TENM3: variants seen among roughly 807,000 people sequenced by gnomAD.
TENM3 encodes the protein teneurin transmembrane protein 3.
Under a neutral mutation model 255.1 loss-of-function variants are expected in TENM3, and 63 were observed. The observed-to-expected ratio is 0.25, with a 90% confidence interval of 0.20 to 0.30. The LOEUF (loss-of-function observed/expected upper bound fraction) is 0.30. Ranked by LOEUF, TENM3 falls within the 10% of genes least tolerant of loss-of-function variation. TENM3 has a pLI of 1.00. For missense variants in TENM3, 2,929 were observed against 3,461.1 expected (o/e 0.85, Z 3.86); for synonymous variants, 1,306 against 1,322.3 (o/e 0.99, Z 0.27).
the TENM3 span, among the ~76,000 whole-genome samples, chr4:181,829,559 G>A: frequency 6.6e-6 from 1 of 152,162 alleles, no homozygotes. Context: ...CTACACAGAT[G>A]CTCATAATAT....
the TENM3 span, among the ~76,000 whole-genome samples, chr4:181,863,466 T>A: frequency 6.6e-6 from 1 of 152,170 alleles, no homozygotes; most frequent in African/African-American, 2.4e-5. Context: ...GAAAATGCAT[T>A]TCTAGTAATG....
At chr4:181,908,524 G>C in the TENM3 span, among the ~76,000 whole-genome samples, 338 of 152,172 alleles carry the variant, frequency 2.2e-3, 1 homozygote, top group African/African-American at 7.6e-3. Context: ...ATTTTCTGAT[G>C]AATGTTTTTA....
At chr4:182,725,353 A>C (rs900050638) in intron 13 of TENM3, among the ~76,000 whole-genome samples, 5 of 152,080 alleles carry the variant, frequency 3.3e-5, no homozygotes, top group African/African-American at 1.2e-4. Context: ...CAGAAATGAT[A>C]TTGGAGCAGT....
the TENM3 span, among the ~76,000 whole-genome samples, chr4:182,100,614 T>C: frequency 1.1e-3 from 54 of 49,334 alleles, no homozygotes; most frequent in African/African-American, 3.3e-3. Flanking sequence ...TATACACACA[T>C]ATATATACAC....
chr4:182,468,842 G>A (rs113875160), intron 3 of TENM3, among the ~76,000 whole-genome samples: 1 of 93,752 alleles, frequency 1.1e-5, no homozygotes, highest in Non-Finnish European at 2.7e-5. Context: ...GTGTGTGTGT[G>A]TGTGTGTGTG....
At chr4:181,608,996 A>G in the TENM3 span, among the ~76,000 whole-genome samples, 6 of 152,196 alleles carry the variant, frequency 3.9e-5, no homozygotes, top group Non-Finnish European at 8.8e-5. Context: ...CCTAATGGGA[A>G]GTTACGGTTT....
intron 22 of TENM3, among the ~76,000 whole-genome samples, chr4:182,767,950 A>G (rs1763863415): frequency 6.6e-6 from 1 of 151,846 alleles, no homozygotes; most frequent in African/African-American, 2.4e-5. Context: ...CATTTCAGTG[A>G]CTCTCACTCC....
At chr4:181,685,011 C>T in the TENM3 span, among the ~76,000 whole-genome samples, 1 of 150,664 alleles carries the variant, frequency 6.6e-6, no homozygotes, top group Admixed American at 6.6e-5. Context: ...AATGATCCTC[C>T]CACCACCCTC....
chr4:181,960,120 A>G, the TENM3 span, among the ~76,000 whole-genome samples: 1 of 152,236 alleles, frequency 6.6e-6, no homozygotes, highest in Non-Finnish European at 1.5e-5. Flanking sequence ...GACATCTTTT[A>G]AAAGAAAAAT....
chr4:181,663,540 G>T, the TENM3 span, among the ~76,000 whole-genome samples: 2 of 152,158 alleles, frequency 1.3e-5, no homozygotes, highest in Non-Finnish European at 2.9e-5. Context: ...AAGCTGGGTA[G>T]AATTTAACAT....
chr4:182,189,292 C>T (rs1347845742), intron 1 of TENM3, among the ~76,000 whole-genome samples: 1 of 151,812 alleles, frequency 6.6e-6, no homozygotes, highest in East Asian at 1.9e-4. Flanking sequence ...GGTATGATTG[C>T]TCAAATGTCA....
At chr4:181,524,178 G>T in the TENM3 span, among the ~76,000 whole-genome samples, 1 of 152,274 alleles carries the variant, frequency 6.6e-6, no homozygotes, top group East Asian at 1.9e-4. Flanking sequence ...TGGTTTTGGG[G>T]GTGGTGTAGG....
chr4:182,632,261 G>C (rs186183257), intron 5 of TENM3, among the ~76,000 whole-genome samples: 1 of 151,986 alleles, frequency 6.6e-6, no homozygotes, highest in Non-Finnish European at 1.5e-5. Context: ...ACCTGTGTCC[G>C]TGCATGTTGG....
At chr4:182,516,373 G>T (rs1312574243) in intron 3 of TENM3, among the ~76,000 whole-genome samples, 1 of 152,170 alleles carries the variant, frequency 6.6e-6, no homozygotes. Context: ...GGTTGTCATG[G>T]TTATATCTAC....
chr4:182,725,827 G>A (rs1040406369), intron 13 of TENM3, among the ~76,000 whole-genome samples: 2 of 151,578 alleles, frequency 1.3e-5, no homozygotes, highest in East Asian at 1.9e-4. Context: ...TAGTAGAGAC[G>A]GGGTTTCACC....
the TENM3 span, among the ~76,000 whole-genome samples, chr4:181,946,436 C>A: frequency 6.6e-6 from 1 of 152,142 alleles, no homozygotes; most frequent in Admixed American, 6.5e-5. Flanking sequence ...GCTCTAAGGA[C>A]ACCTCTTTCA....
At chr4:182,507,462 GTTTGA>G (rs1317937628) in intron 3 of TENM3, among the ~76,000 whole-genome samples, 3 of 152,054 alleles carry the variant, frequency 2.0e-5, no homozygotes, top group African/African-American at 4.8e-5. Flanking sequence ...TAACCCCTCA[GTTTGA>G]TTTTTCAGGA....
chr4:182,645,555 G>C (rs1388963066), intron 5 of TENM3, among the ~76,000 whole-genome samples: 3 of 152,100 alleles, frequency 2.0e-5, no homozygotes, highest in Admixed American at 1.3e-4. Flanking sequence ...AACTTAGCTG[G>C]GTGCCTCTGC....
At chr4:182,082,882 T>C in the TENM3 span, among the ~76,000 whole-genome samples, 1 of 152,166 alleles carries the variant, frequency 6.6e-6, no homozygotes, top group Non-Finnish European at 1.5e-5. Context: ...GTGGATTCTG[T>C]GTGATAGAGA....
Sources: allele counts gnomAD v4.1 joint callset (sites outside exome capture counted in the v4.1 genomes callset), GRCh38; gene constraint gnomAD v4.1.1; transcripts MANE v1.5; gene names NCBI Gene and HGNC (gene_info 2026-07-23, HGNC 2026-07-21).